The following ZRANB3 variants were observed in gnomAD, a reference collection of about 807,000 sequenced individuals.
ZRANB3 encodes the protein DNA annealing helicase and endonuclease ZRANB3.
Under a neutral mutation model 133.8 loss-of-function variants are expected in ZRANB3, and 125 were observed. That is an observed-to-expected ratio of 0.93 (90% confidence interval 0.81 to 1.08). ZRANB3 has a LOEUF of 1.08. Ranked by LOEUF, ZRANB3 falls within the 50% of genes least tolerant of loss-of-function variation. The pLI, the probability that ZRANB3 is intolerant of heterozygous loss-of-function variation, is 0.00. For missense variants in ZRANB3, 1,229 were observed against 1,275.5 expected (o/e 0.96, Z 0.56); for synonymous variants, 387 against 432.7 (o/e 0.89, Z 1.31).
chr2:135,365,433 C>T (rs1225331041), intron 3 of ZRANB3, among the ~76,000 whole-genome samples: 1 of 152,148 alleles, frequency 6.6e-6, no homozygotes, highest in Non-Finnish European at 1.5e-5. Flanking sequence ...AATTAAAGTG[C>T]TATATATAAG....
At chr2:135,391,220 A>T (rs558712137) in intron 2 of ZRANB3, among the ~76,000 whole-genome samples, 4 of 152,198 alleles carry the variant, frequency 2.6e-5, no homozygotes, top group Non-Finnish European at 5.9e-5. Context: ...CATAAATACT[A>T]AAGTAGTAAG....
intron 2 of ZRANB3, among the ~76,000 whole-genome samples, chr2:135,442,378 G>A (rs1241638310): frequency 6.6e-6 from 1 of 152,116 alleles, no homozygotes; most frequent in African/African-American, 2.4e-5. Context: ...ATCCAAAAGT[G>A]TACAAAGGAT....
At chr2:135,342,566 T>C (rs1684723503) in intron 6 of ZRANB3, among the ~76,000 whole-genome samples, 1 of 149,856 alleles carries the variant, frequency 6.7e-6, no homozygotes, top group South Asian at 2.1e-4. Context: ...TACCTTGGCC[T>C]TCCAAAGTGC....
intron 8 of ZRANB3, among the ~76,000 whole-genome samples, chr2:135,286,393 T>C (rs1681367856): frequency 6.6e-6 from 1 of 152,198 alleles, no homozygotes; most frequent in African/African-American, 2.4e-5. Context: ...TTCTCCTTCC[T>C]CAACCTCCCA....
chr2:135,498,608 C>A (rs1692790780), intron 2 of ZRANB3, among the ~76,000 whole-genome samples: 1 of 152,180 alleles, frequency 6.6e-6, no homozygotes, highest in Middle Eastern at 3.2e-3. Flanking sequence ...AGAGAGATAA[C>A]CATTAAGTCT....
At chr2:135,517,135 T>G (rs1186986368) in intron 1 of ZRANB3, among the ~76,000 whole-genome samples, 1 of 152,006 alleles carries the variant, frequency 6.6e-6, no homozygotes, top group Admixed American at 6.6e-5. Context: ...GTCATTTATG[T>G]TCTTCTCTAA....
chr2:135,262,159 C>CAAAAAAAAAA (rs755264566), intron 12 of ZRANB3, among the ~76,000 whole-genome samples: 19 of 63,848 alleles, frequency 3.0e-4, no homozygotes, highest in East Asian at 1.2e-3. Flanking sequence ...ACTCCATCTC[C>CAAAAAAAAAA]AAAAAAAAAA....
intron 3 of ZRANB3, among the ~76,000 whole-genome samples, chr2:135,361,000 T>G (rs1257922435): frequency 1.3e-5 from 2 of 152,184 alleles, no homozygotes; most frequent in Non-Finnish European, 2.9e-5. Flanking sequence ...AGGCTTGTCT[T>G]GAACTCCTGG....
intron 1 of ZRANB3, among the ~76,000 whole-genome samples, chr2:135,527,797 G>C (rs1443473954): frequency 6.6e-6 from 1 of 152,150 alleles, no homozygotes; most frequent in East Asian, 1.9e-4. Flanking sequence ...ATTAAAACAT[G>C]TGTCCATACC....
intron 2 of ZRANB3, among the ~76,000 whole-genome samples, chr2:135,501,631 T>C (rs1167127706): frequency 6.6e-6 from 1 of 152,166 alleles, no homozygotes. Flanking sequence ...TTTCAGATGG[T>C]ATAGTTATTA....
intron 2 of ZRANB3, among the ~76,000 whole-genome samples, chr2:135,420,501 A>G (rs1034835976): frequency 1.3e-5 from 2 of 152,078 alleles, no homozygotes; most frequent in African/African-American, 2.4e-5. Flanking sequence ...GGTCAAATAT[A>G]CCATATAAAA....
chr2:135,227,965 C>G lies in ZRANB3; in HGVS notation c.2005G>C (p.Asp669His). Residue 669 changes from aspartate (D) to histidine (H), a missense_variant, in exon 14 of 21, where the codon GAT becomes CAT. By Grantham distance (81) the Asp-to-His change is moderately conservative (BLOSUM62 -1). Coordinates refer to ENST00000264159, the MANE Select transcript of ZRANB3 (RefSeq NM_032143.4). ...NHIQDKNEKD[D>H]SQKDTSKKVQ... is the part of the protein sequence containing the mutation. Reference sequence around the variant, plus strand: ...TTTTTGGAGGTGTCTTTCTGAGAATCATCCTTCTCGTTTTTATCCTGGATA... The same window carrying G: ...TTTTTGGAGGTGTCTTTCTGAGAATGATCCTTCTCGTTTTTATCCTGGATA... 1 of 1,552,176 alleles carries G rather than the reference C, an allele frequency of 6.4e-7. No homozygotes were observed. The highest frequency in any genetic ancestry group is 8.7e-7 in the Non-Finnish European group (1 of 1,147,092).
chr2:135,391,603 G>A (rs541043328), intron 2 of ZRANB3, among the ~76,000 whole-genome samples: 177 of 144,634 alleles, frequency 1.2e-3, no homozygotes, highest in Non-Finnish European at 2.2e-3. Context: ...TTTTTGAGAC[G>A]GAGTCTCGCT....
At chr2:135,507,446 C>T (rs1171113823) in intron 1 of ZRANB3, among the ~76,000 whole-genome samples, 1 of 152,142 alleles carries the variant, frequency 6.6e-6, no homozygotes, top group African/African-American at 2.4e-5. Flanking sequence ...AAAGTCAAAA[C>T]TCAAAGGAGC....
At chr2:135,324,531 G>A (rs759547444) in intron 6 of ZRANB3, among the ~76,000 whole-genome samples, 6 of 152,036 alleles carry the variant, frequency 3.9e-5, no homozygotes, top group Non-Finnish European at 5.9e-5. Context: ...GAATAGTGCC[G>A]CAATAAACAT....
chr2:135,320,356 A>G (rs1435844560), intron 6 of ZRANB3, among the ~76,000 whole-genome samples: 1 of 152,240 alleles, frequency 6.6e-6, no homozygotes, highest in Non-Finnish European at 1.5e-5. Flanking sequence ...GTTTAAGGAC[A>G]AAGTATAAGC....
chr2:135,351,409 AG>A, intron 4 of ZRANB3, among the ~76,000 whole-genome samples: 1 of 151,838 alleles, frequency 6.6e-6, no homozygotes, highest in African/African-American at 2.4e-5. Context: ...CTGGGACTAC[AG>A]GTGCCCATCA....
At chr2:135,271,971 T>G in intron 9 of ZRANB3, 84 bp from the exon 10 acceptor site, 3 of 1,353,640 alleles carry the variant, frequency 2.2e-6, no homozygotes, top group Non-Finnish European at 2.9e-6. Flanking sequence ...CTTATTTTTA[T>G]GGTCACATAA....
intron 8 of ZRANB3, among the ~76,000 whole-genome samples, chr2:135,294,026 G>A (rs538246969): frequency 2.0e-5 from 3 of 152,288 alleles, no homozygotes; most frequent in Non-Finnish European, 4.4e-5. Context: ...TTTTGCATCA[G>A]TGTTCATCAA....
Sources: allele counts gnomAD v4.1 joint callset (sites outside exome capture counted in the v4.1 genomes callset), GRCh38; gene constraint gnomAD v4.1.1; transcripts MANE v1.5; gene names NCBI Gene and HGNC (gene_info 2026-07-23, HGNC 2026-07-21).